Variants in BCL2L1 observed in about 807,000 individuals in gnomAD.
The protein encoded by BCL2L1 is BCL2 like 1, also known as bcl-2-like protein 1.
BCL2L1 carries 1 observed loss-of-function variant against 18.7 expected under a neutral mutation model. The ratio of observed to expected loss-of-function variants is 0.05; its 90% confidence interval spans 0.02 to 0.25. The LOEUF (loss-of-function observed/expected upper bound fraction) is 0.25, where lower values mean the gene tolerates loss of function less well. BCL2L1 is among the 10% of genes least tolerant of loss of function. The probability of loss-of-function intolerance (pLI) is 1.00; values close to 1 mark genes in which losing one functional copy is unlikely to be tolerated. For synonymous variants in BCL2L1, 103 were observed against 122.7 expected, an observed-to-expected ratio of 0.84 and a Z score of 1.06; for missense variants, 207 against 304.9, an observed-to-expected ratio of 0.68 and a Z score of 2.39.
At chr20:31,673,372 C>T (rs2060704277) in intron 2 of BCL2L1, among the ~76,000 whole-genome samples, 1 of 151,828 alleles carries the variant, frequency 6.6e-6, no homozygotes, top group Non-Finnish European at 1.5e-5. Context: ...CCGCACCCAG[C>T]CCTTACTTGT....
chr20:31,692,747 A>G (rs1315231763), intron 2 of BCL2L1, among the ~76,000 whole-genome samples: 1 of 151,930 alleles, frequency 6.6e-6, no homozygotes, highest in East Asian at 1.9e-4. Flanking sequence ...CATCTCTACT[A>G]AAACTACAAA....
intron 2 of BCL2L1, among the ~76,000 whole-genome samples, chr20:31,688,381 T>G (rs1187190847): frequency 2.0e-5 from 3 of 147,388 alleles, no homozygotes; most frequent in Non-Finnish European, 4.5e-5. Context: ...GAGGTGGAGG[T>G]TGCAGTGAGC....
At chr20:31,709,057 T>C (rs1175753802) in intron 2 of BCL2L1, among the ~76,000 whole-genome samples, 2 of 152,154 alleles carry the variant, frequency 1.3e-5, no homozygotes, top group African/African-American at 4.8e-5. Flanking sequence ...AGAGATTCTT[T>C]TTCTTAGGGG....
intron 2 of BCL2L1, among the ~76,000 whole-genome samples, chr20:31,709,185 C>T (rs1364583480): frequency 2.6e-5 from 4 of 152,186 alleles, no homozygotes; most frequent in Non-Finnish European, 5.9e-5. Flanking sequence ...GGTTTCTTCC[C>T]TGACCAACTT....
chr20:31,695,499 C>G (rs1048919651), intron 2 of BCL2L1, among the ~76,000 whole-genome samples: 2 of 152,218 alleles, frequency 1.3e-5, no homozygotes, highest in Non-Finnish European at 2.9e-5. Context: ...CAAGGTCTTG[C>G]TCTGTCAGCC....
At position 31,701,348 on chromosome 20, in the gene BCL2L1, G is replaced by A. The variant is rs139502197; in HGVS notation, c.564+20307C>T. 2.6e-3 allele frequency among the ~76,000 whole-genome samples: 399 copies of A among 152,250 alleles called. 2 individuals are homozygous for A. The highest frequency in any genetic ancestry group is 9.1e-3 in the African/African-American group (379 of 41,550). ...ATTACAGGCGTGAGCCACCACGCCC[G>A]GCCTGTAGTTAGATTTTTAAAAAAC... On this transcript the variant is annotated intron_variant, in intron 2 of 2. Transcript: ENST00000307677.
At chr20:31,710,205 G>A (rs563345540) in intron 2 of BCL2L1, among the ~76,000 whole-genome samples, 29 of 152,250 alleles carry the variant, frequency 1.9e-4, no homozygotes, top group African/African-American at 6.5e-4. Flanking sequence ...CGTGTACTCC[G>A]AGAGCTTATG....
intron 2 of BCL2L1, among the ~76,000 whole-genome samples, chr20:31,685,575 C>T (rs2060942449): frequency 6.6e-6 from 1 of 152,142 alleles, no homozygotes; most frequent in South Asian, 2.1e-4. Context: ...GAAACGTGAG[C>T]TTACTCCTGC....
At chr20:31,702,967 G>A (rs2061306143) in intron 2 of BCL2L1, among the ~76,000 whole-genome samples, 1 of 151,454 alleles carries the variant, frequency 6.6e-6, no homozygotes, top group Non-Finnish European at 1.5e-5. Context: ...AAAAAAGTCT[G>A]GGTTTTATTC....
chr20:31,698,847 CT>C (rs2061231667), intron 2 of BCL2L1, among the ~76,000 whole-genome samples: 1 of 152,060 alleles, frequency 6.6e-6, no homozygotes, highest in African/African-American at 2.4e-5. Context: ...CCCTTTTTTG[CT>C]TTTCAATTAG....
chr20:31,703,291 C>A (rs914737838), intron 2 of BCL2L1, among the ~76,000 whole-genome samples: 1 of 151,906 alleles, frequency 6.6e-6, no homozygotes, highest in Non-Finnish European at 1.5e-5. Context: ...TGATCACCCG[C>A]CTTGGTGTCC....
intron 2 of BCL2L1, among the ~76,000 whole-genome samples, chr20:31,704,408 G>T (rs141141893): frequency 1.1e-4 from 16 of 152,222 alleles, no homozygotes; most frequent in African/African-American, 3.4e-4. Context: ...CCTGAACTTG[G>T]TTTTTAAAAG....
intron 1 of BCL2L1, 103 bp downstream of exon 1, chr20:31,722,515 C>T: frequency 7.8e-6 from 2 of 257,304 alleles, no homozygotes; most frequent in East Asian, 6.7e-5. Context: ...TCTGAATCTC[C>T]CACCAGCCTT....
intron 2 of BCL2L1, among the ~76,000 whole-genome samples, chr20:31,711,327 T>G (rs1397989659): frequency 2.0e-5 from 3 of 152,238 alleles, no homozygotes; most frequent in Non-Finnish European, 2.9e-5. Context: ...GGAGTCAAGC[T>G]GTCTCAAATG....
chr20:31,684,938 A>T (rs1787295311), intron 2 of BCL2L1, among the ~76,000 whole-genome samples: 1 of 152,208 alleles, frequency 6.6e-6, no homozygotes, highest in Non-Finnish European at 1.5e-5. Context: ...GCCTGTTGTG[A>T]ATAGGGCAAG....
intron 2 of BCL2L1, among the ~76,000 whole-genome samples, chr20:31,687,580 G>A (rs1167004260): frequency 1.3e-5 from 2 of 151,234 alleles, no homozygotes; most frequent in Non-Finnish European, 2.9e-5. Flanking sequence ...AGGAGGCTGA[G>A]GCAGGAGAAT....
chr20:31,702,577 G>A lies in BCL2L1; in HGVS notation c.564+19078C>T, dbSNP rs547208086. Among the ~76,000 whole-genome samples, 1,183 of 151,390 alleles carry A rather than the reference G, an allele frequency of 7.8e-3. 7 individuals carry two copies. The highest frequency in any genetic ancestry group is 0.01 in the Non-Finnish European group (692 of 67,770). On this transcript the variant is annotated intron_variant, in intron 2 of 2. Coordinates refer to ENST00000307677, the MANE Select transcript of BCL2L1 (RefSeq NM_138578.3). The stretch of plus-strand genomic sequence containing the variant: ...TGCCCAGGGTGGAGTGCAATGGTGC[G>A]ATCTTGGCTCAACACAACCTCCGCC...
At chr20:31,704,011 T>C (rs769623583) in intron 2 of BCL2L1, among the ~76,000 whole-genome samples, 46 of 151,360 alleles carry the variant, frequency 3.0e-4, no homozygotes, top group Non-Finnish European at 5.2e-4. Flanking sequence ...TTGGTCAGGC[T>C]GGTATCGAAC....
intron 2 of BCL2L1, among the ~76,000 whole-genome samples, chr20:31,680,135 C>T (rs144997382): frequency 6.6e-6 from 1 of 152,158 alleles, no homozygotes. Context: ...AGGTGCTGTT[C>T]CCATTTTACC....
Sources: allele counts gnomAD v4.1 joint callset (sites outside exome capture counted in the v4.1 genomes callset), GRCh38; gene constraint gnomAD v4.1.1; transcripts MANE v1.5; gene names NCBI Gene and HGNC (gene_info 2026-07-23, HGNC 2026-07-21).